LRRTM3: variants seen among roughly 807,000 people sequenced by gnomAD.
The protein encoded by LRRTM3 is leucine rich repeat transmembrane neuronal 3.
A neutral mutation model predicts 44.7 loss-of-function variants in LRRTM3; 24 were observed. That is an observed-to-expected ratio of 0.54 (90% CI 0.39 to 0.76). LRRTM3 has a LOEUF of 0.76. LRRTM3 is among the 30% of genes least tolerant of loss of function. LRRTM3 has a pLI of 0.00. For missense variants in LRRTM3, 587 were observed against 702.2 expected (o/e 0.84, Z 1.85); for synonymous variants, 277 against 278.7 (o/e 0.99, Z 0.06).
chr10:66,935,049 A>G (rs748836700), intron 2 of LRRTM3, among the ~76,000 whole-genome samples: 3 of 152,078 alleles, frequency 2.0e-5, no homozygotes, highest in Non-Finnish European at 1.5e-5. Flanking sequence ...GCCCTCATGT[A>G]GCTAAAAAAG....
At chr10:67,004,797 C>A (rs1488053353) in intron 2 of LRRTM3, among the ~76,000 whole-genome samples, 1 of 152,176 alleles carries the variant, frequency 6.6e-6, no homozygotes, top group East Asian at 1.9e-4. Context: ...GGGAACTCTG[C>A]AAGTTTCTTG....
intron 2 of LRRTM3, among the ~76,000 whole-genome samples, chr10:67,054,006 C>G (rs1855275526): frequency 6.6e-6 from 1 of 152,158 alleles, no homozygotes; most frequent in South Asian, 2.1e-4. Flanking sequence ...TACACGATAT[C>G]TCTAAAAGAG....
At chr10:66,959,699 C>T (rs1849013173) in intron 2 of LRRTM3, among the ~76,000 whole-genome samples, 1 of 152,202 alleles carries the variant, frequency 6.6e-6, no homozygotes, top group African/African-American at 2.4e-5. Context: ...ACTTGTCCCT[C>T]ATTGCAATCT....
In LRRTM3 at chr10:67,061,349, A is replaced by T. The variant is rs866894022; in HGVS notation, c.1537-36238A>T. ...AATATGTGAACTACATGATGACAGC[A>T]CTATTTACAAAATAGAAACGTTTGG... On this transcript the variant is annotated intron_variant, in intron 2 of 2. Transcript: ENST00000361320. 3.9e-5 allele frequency among the ~76,000 whole-genome samples: 6 copies of T among 152,326 alleles called. No homozygotes were observed. In the Middle Eastern group the frequency reaches 0.014, roughly 345 times the overall value.
chr10:67,077,030 T>C (rs1036546001), intron 2 of LRRTM3, among the ~76,000 whole-genome samples: 2 of 152,158 alleles, frequency 1.3e-5, no homozygotes, highest in African/African-American at 4.8e-5. Context: ...CATGAAGATA[T>C]TTGTGCATCC....
At chr10:67,036,894 A>G (rs1167988537) in intron 2 of LRRTM3, among the ~76,000 whole-genome samples, 1 of 147,974 alleles carries the variant, frequency 6.8e-6, no homozygotes, top group Non-Finnish European at 1.5e-5. Flanking sequence ...GAAAAAAAAT[A>G]ATAATGCATA....
At chr10:67,063,235 T>C (rs1393066046) in intron 2 of LRRTM3, among the ~76,000 whole-genome samples, 1 of 152,198 alleles carries the variant, frequency 6.6e-6, no homozygotes, top group African/African-American at 2.4e-5. Context: ...AAGTGCTTTA[T>C]AATAACTCTG....
At chr10:67,027,075 T>C (rs566711851) in intron 2 of LRRTM3, among the ~76,000 whole-genome samples, 8 of 152,284 alleles carry the variant, frequency 5.3e-5, no homozygotes, top group East Asian at 1.9e-4. Context: ...TCTGAGAGCG[T>C]AGATTTTTGC....
intron 2 of LRRTM3, among the ~76,000 whole-genome samples, chr10:66,955,190 C>G (rs144882264): frequency 1.7e-3 from 251 of 152,060 alleles, no homozygotes; most frequent in Admixed American, 4.5e-3. Flanking sequence ...CTGAAAAGAT[C>G]CATTTTATTC....
chr10:67,088,370 A>T (rs1857426667), intron 2 of LRRTM3, among the ~76,000 whole-genome samples: 1 of 151,958 alleles, frequency 6.6e-6, no homozygotes, highest in Non-Finnish European at 1.5e-5. Flanking sequence ...AACAATGCAT[A>T]TAGCCAATCC....
intron 2 of LRRTM3, among the ~76,000 whole-genome samples, chr10:67,033,774 T>C (rs1406477412): frequency 6.6e-6 from 1 of 152,088 alleles, no homozygotes; most frequent in Non-Finnish European, 1.5e-5. Flanking sequence ...GTATAGTGTT[T>C]CTTTTTGTTT....
rs149215628 is a variant in LRRTM3 at position 67,050,707 on chromosome 10, C to T, written c.1537-46880C>T. On this transcript the variant is annotated intron_variant, in intron 2 of 2. Coordinates refer to ENST00000361320, the MANE Select transcript of LRRTM3 (RefSeq NM_178011.5). ...AACAGCAAAAGGAATTTACTGACTT[C>T]CTCTCAGATTGAAAGCAGAAATGAC... 9.1e-4 allele frequency among the ~76,000 whole-genome samples: 138 copies of T among 152,278 alleles called. 3 individuals carry two copies. The highest frequency in any genetic ancestry group is 3.2e-3 in the African/African-American group (134 of 41,558).
intron 2 of LRRTM3, among the ~76,000 whole-genome samples, chr10:67,015,122 C>T (rs1852577517): frequency 6.6e-6 from 1 of 152,106 alleles, no homozygotes; most frequent in Non-Finnish European, 1.5e-5. Context: ...CTATTAACCC[C>T]ATGCTATGTA....
chr10:66,933,130 G>A (rs995975138), intron 2 of LRRTM3, among the ~76,000 whole-genome samples: 2 of 152,188 alleles, frequency 1.3e-5, no homozygotes, highest in African/African-American at 4.8e-5. Context: ...ACTGAGTGGG[G>A]TTTGTTGTTC....
At chr10:66,964,534 C>A (rs1267145958) in intron 2 of LRRTM3, among the ~76,000 whole-genome samples, 4 of 152,114 alleles carry the variant, frequency 2.6e-5, no homozygotes, top group Non-Finnish European at 5.9e-5. Flanking sequence ...ATGTGCTCAG[C>A]CTGGGAGAAA....
intron 2 of LRRTM3, among the ~76,000 whole-genome samples, chr10:67,039,078 C>A: frequency 6.6e-6 from 1 of 151,994 alleles, no homozygotes; most frequent in East Asian, 1.9e-4. Context: ...TTTATTTTTA[C>A]AGTTTCTACC....
intron 2 of LRRTM3, among the ~76,000 whole-genome samples, chr10:67,056,499 G>C (rs1255254894): frequency 6.6e-6 from 1 of 152,128 alleles, no homozygotes; most frequent in Non-Finnish European, 1.5e-5. Flanking sequence ...GTGAAACCAA[G>C]ATCCACTCCT....
intron 2 of LRRTM3, among the ~76,000 whole-genome samples, chr10:66,979,667 A>T (rs1850295451): frequency 6.6e-6 from 1 of 152,274 alleles, no homozygotes; most frequent in Admixed American, 6.5e-5. Flanking sequence ...GTTTGTGGGG[A>T]TGAATAGGAT....
At chr10:67,082,218 CCT>C (rs1204318562) in intron 2 of LRRTM3, among the ~76,000 whole-genome samples, 6 of 152,014 alleles carry the variant, frequency 3.9e-5, no homozygotes, top group Admixed American at 2.0e-4. Flanking sequence ...GTTCATTTCC[CCT>C]GTTACATTTA....
Sources: gnomAD v4.1 joint callset for allele counts (sites outside exome capture counted in the v4.1 genomes callset) on GRCh38, gnomAD v4.1.1 for gene constraint, MANE v1.5 for transcripts, NCBI Gene and HGNC (gene_info 2026-07-23, HGNC 2026-07-21) for gene names.